Variants in NPAS3 observed in about 807,000 individuals in gnomAD.
NPAS3 encodes the protein neuronal PAS domain-containing protein 3.
A neutral mutation model predicts 73.1 loss-of-function variants in NPAS3; 14 were observed. That is an observed-to-expected ratio of 0.19 (90% CI 0.13 to 0.30). The LOEUF is 0.30. Ranked by LOEUF, NPAS3 falls within the 10% of genes least tolerant of loss-of-function variation. NPAS3 has a pLI of 1.00. For synonymous variants in NPAS3, 620 were observed against 541.5 expected (o/e 1.14, Z -2.01); for missense variants, 1,096 against 1,250.0 (o/e 0.88, Z 1.86).
intron 3 of NPAS3, among the ~76,000 whole-genome samples, chr14:33,234,215 A>C (rs139304466): frequency 6.6e-6 from 1 of 152,260 alleles, no homozygotes; most frequent in Non-Finnish European, 1.5e-5. Flanking sequence ...TTCCATAAAC[A>C]AGATATTCTT....
At chr14:33,473,415 T>C (rs1030800432) in intron 4 of NPAS3, among the ~76,000 whole-genome samples, 7 of 152,146 alleles carry the variant, frequency 4.6e-5, no homozygotes, top group Non-Finnish European at 8.8e-5. Flanking sequence ...TTTCAGAGAA[T>C]GCGGATCACC....
chr14:33,553,151 A>C (rs2055198134), intron 4 of NPAS3, among the ~76,000 whole-genome samples: 1 of 152,176 alleles, frequency 6.6e-6, no homozygotes, highest in Admixed American at 6.5e-5. Flanking sequence ...GGATGTTCAA[A>C]TCAATAAATC....
chr14:33,129,519 ATTAAGT>A (rs1235104375), intron 2 of NPAS3, among the ~76,000 whole-genome samples: 3 of 152,192 alleles, frequency 2.0e-5, no homozygotes, highest in Non-Finnish European at 4.4e-5. Flanking sequence ...AAAGCGTGCT[ATTAAGT>A]TTATGTGCTT....
rs185987744 is a variant in NPAS3, at chr14:33,451,282, G to C, written c.468+84014G>C. On this transcript the variant is annotated intron_variant, in intron 4 of 11. Transcript: ENST00000356141. ...CCCTTATGTTAAACAATACGGTACA[G>C]TGGTTAAAAAGTAGGTTCTTGAGTT... Among the ~76,000 whole-genome samples, 3 of 152,306 alleles carry C rather than the reference G, an allele frequency of 2.0e-5. No individual in the cohort carries two copies. In the East Asian group the frequency reaches 5.8e-4, roughly 29 times the overall value.
chr14:33,177,109 T>TATTATTATCATC (rs1354243278), intron 2 of NPAS3, among the ~76,000 whole-genome samples: 28 of 145,174 alleles, frequency 1.9e-4, no homozygotes, highest in African/African-American at 3.3e-4. Context: ...TTATTATTAT[T>TATTATTATCATC]ATCTTTGAGA....
At chr14:33,783,763 C>A (rs906670184) in intron 9 of NPAS3, among the ~76,000 whole-genome samples, 3 of 152,180 alleles carry the variant, frequency 2.0e-5, no homozygotes, top group Admixed American at 6.5e-5. Context: ...GTCAGCACCC[C>A]CTGGGAACTC....
chr14:33,058,492 G>A (rs1187967274), intron 2 of NPAS3, among the ~76,000 whole-genome samples: 11 of 152,160 alleles, frequency 7.2e-5, no homozygotes, highest in Admixed American at 6.5e-4. Flanking sequence ...AGTAGATATA[G>A]GAATAGATAC....
chr14:33,491,770 C>A (rs971711290), intron 4 of NPAS3, among the ~76,000 whole-genome samples: 3 of 152,086 alleles, frequency 2.0e-5, no homozygotes, highest in Non-Finnish European at 4.4e-5. Context: ...GAGTAAATGG[C>A]TAAGCGTATT....
At chr14:33,223,588 T>G (rs1320096470) in intron 3 of NPAS3, among the ~76,000 whole-genome samples, 1 of 152,186 alleles carries the variant, frequency 6.6e-6, no homozygotes, top group Non-Finnish European at 1.5e-5. Context: ...GAATGATTAC[T>G]TACTGTCTAA....
chr14:32,978,263 T>C (rs999302255), intron 1 of NPAS3, among the ~76,000 whole-genome samples: 1 of 152,102 alleles, frequency 6.6e-6, no homozygotes, highest in African/African-American at 2.4e-5. Flanking sequence ...GTTGGCTCAT[T>C]TGTAAGATTG....
rs184428122 is a variant in NPAS3 at position 33,783,955 on chromosome 14, A to G, written c.1153+5383A>G. ...TCTGAAGGGTTTTCTTTTCCTCTCA[A>G]ATTGGATGAATTCTGAGAACAGTAG... On this transcript the variant is annotated intron_variant, in intron 9 of 11. Transcript: ENST00000356141. 5.0e-3 allele frequency among the ~76,000 whole-genome samples: 754 copies of G among 152,310 alleles called. 3 individuals carry two copies. The highest frequency in any genetic ancestry group is 7.6e-3 in the Non-Finnish European group (515 of 68,018).
chr14:33,357,110 A>G (rs1258822413), intron 3 of NPAS3, among the ~76,000 whole-genome samples: 2 of 152,230 alleles, frequency 1.3e-5, no homozygotes, highest in South Asian at 2.1e-4. Flanking sequence ...CAGCTAACAT[A>G]AGTAAGACCT....
At chr14:33,156,838 G>A (rs745406846) in intron 2 of NPAS3, among the ~76,000 whole-genome samples, 5 of 152,074 alleles carry the variant, frequency 3.3e-5, no homozygotes, top group South Asian at 2.1e-4. Context: ...TATAATTATC[G>A]TTAAGGTTTT....
intron 4 of NPAS3, among the ~76,000 whole-genome samples, chr14:33,467,097 C>T (rs1041688569): frequency 6.6e-6 from 1 of 152,092 alleles, no homozygotes; most frequent in Non-Finnish European, 1.5e-5. Context: ...TGGAATTACC[C>T]CCTCAAAACC....
At chr14:33,313,273 A>G (rs915177997) in intron 3 of NPAS3, among the ~76,000 whole-genome samples, 5 of 152,236 alleles carry the variant, frequency 3.3e-5, no homozygotes, top group African/African-American at 7.2e-5. Flanking sequence ...GAAACAATCT[A>G]TCATTTGAAT....
intron 5 of NPAS3, among the ~76,000 whole-genome samples, chr14:33,567,466 T>C (rs1036991529): frequency 1.8e-4 from 27 of 152,210 alleles, no homozygotes; most frequent in Non-Finnish European, 3.4e-4. Context: ...ATTAGTGTCC[T>C]CTCAGAAGTG....
exon 2 of NPAS3, chr14:33,055,919 A>T (rs1465425714): frequency 9.9e-6 from 8 of 810,218 alleles, no homozygotes; most frequent in Non-Finnish European, 1.7e-5. Context: ...ACTGCCCAGC[A>T]TCCTCTGCCC....
intron 3 of NPAS3, among the ~76,000 whole-genome samples, chr14:33,328,252 T>G (rs1206922952): frequency 1.3e-5 from 2 of 151,930 alleles, no homozygotes; most frequent in African/African-American, 4.8e-5. Flanking sequence ...GTATAGAGCT[T>G]CTTTTGTGGC....
intron 1 of NPAS3, among the ~76,000 whole-genome samples, chr14:33,033,866 A>G (rs1165722277): frequency 6.6e-6 from 1 of 152,272 alleles, no homozygotes; most frequent in African/African-American, 2.4e-5. Flanking sequence ...TTGTTATTAT[A>G]GGCACAATTA....
Sources: allele counts gnomAD v4.1 joint callset (sites outside exome capture counted in the v4.1 genomes callset), GRCh38; gene constraint gnomAD v4.1.1; transcripts MANE v1.5; gene names NCBI Gene and HGNC (gene_info 2026-07-23, HGNC 2026-07-21).